The following DPYSL3 variants were observed in gnomAD, a reference collection of about 807,000 sequenced individuals.
The protein encoded by DPYSL3 is dihydropyrimidinase-related protein 3.
A neutral mutation model predicts 66.1 loss-of-function variants in DPYSL3; 16 were observed. That is an observed-to-expected ratio of 0.24 (90% CI 0.16 to 0.37). The LOEUF is 0.37. Among genes scored for constraint, DPYSL3 ranks in the 10% least tolerant of loss-of-function variants. The pLI is 1.00. For synonymous variants in DPYSL3, 338 were observed against 345.1 expected (o/e 0.98, Z 0.23); for missense variants, 738 against 916.2 (o/e 0.81, Z 2.51).
intron 1 of DPYSL3, among the ~76,000 whole-genome samples, chr5:147,497,108 G>T (rs1180064077): frequency 6.6e-6 from 1 of 152,096 alleles, no homozygotes; most frequent in African/African-American, 2.4e-5. Flanking sequence ...TAGGGACATG[G>T]ATGAAGCTGG....
At chr5:147,465,373 C>T (rs1752995605) in intron 1 of DPYSL3, among the ~76,000 whole-genome samples, 1 of 152,224 alleles carries the variant, frequency 6.6e-6, no homozygotes. Flanking sequence ...AATCTTGGCT[C>T]ATTGCAAATT....
chr5:147,509,601 C>T lies in DPYSL3; in HGVS notation c.258G>A (p.Pro86=), dbSNP rs534509592. 9.1e-6 allele frequency: 14 copies of T among 1,535,488 alleles called. No homozygotes were observed. The African/African-American group carries it at 1.4e-4, about 15-fold the overall frequency. ...GSRPGIEGDT[P]RRGQGREESR... is the part of the protein sequence containing the mutation. ...TCTCTTCCCGGCCTTGGCCCCTGCG[C>T]GGGGTGTCCCCCTCGATCCCGGGCC... is the stretch of plus-strand genomic sequence containing the variant. Residue 86 remains proline (P), a synonymous_variant, in exon 1 of 14, where the codon CCG becomes CCA. Transcript: ENST00000343218. This position sits in a 1 kb window ranked among gnomAD's most constrained non-coding sequence, Gnocchi z 5.3.
chr5:147,485,959 T>C (rs1157134372), intron 1 of DPYSL3, among the ~76,000 whole-genome samples: 2 of 152,116 alleles, frequency 1.3e-5, no homozygotes, highest in African/African-American at 4.8e-5. Context: ...CCAATGTCTA[T>C]CAGCTGATGA....
intron 1 of DPYSL3, chr5:147,453,523 G>A: frequency 6.6e-7 from 1 of 1,523,192 alleles, no homozygotes; most frequent in Non-Finnish European, 8.8e-7. Context: ...AGCGAGGAGG[G>A]AGGGAGCAGC....
chr5:147,411,455 A>G (rs1176489589), intron 6 of DPYSL3, among the ~76,000 whole-genome samples: 2 of 152,208 alleles, frequency 1.3e-5, no homozygotes, highest in African/African-American at 4.8e-5. Context: ...ACTGAGGTAT[A>G]TCACCTTAGG....
At chr5:147,459,045 A>T (rs1752894712) in intron 1 of DPYSL3, among the ~76,000 whole-genome samples, 2 of 145,018 alleles carry the variant, frequency 1.4e-5, no homozygotes, top group Non-Finnish European at 3.0e-5. Context: ...TTATCTTTAT[A>T]GCCCCCAGCT....
intron 12 of DPYSL3, among the ~76,000 whole-genome samples, chr5:147,396,142 C>T (rs912086326): frequency 6.6e-6 from 1 of 152,074 alleles, no homozygotes; most frequent in Non-Finnish European, 1.5e-5. Flanking sequence ...AAGGGTAGGT[C>T]ATGACACGAG....
intron 1 of DPYSL3, among the ~76,000 whole-genome samples, chr5:147,443,593 G>GT (rs541962514): frequency 0.068 from 9,690 of 142,654 alleles, 414 homozygotes; most frequent in Admixed American, 0.11. Context: ...CATGTATCCC[G>GT]TTTTTTTTTT....
intron 1 of DPYSL3, among the ~76,000 whole-genome samples, chr5:147,502,571 C>CTTTTTTTTTTTTTT (rs71001435): frequency 1.1e-5 from 1 of 95,196 alleles, no homozygotes; most frequent in Non-Finnish European, 1.9e-5. Flanking sequence ...CTTAATAATG[C>CTTTTTTTTTTTTTT]TTTTTTTTTT....
At chr5:147,459,491 G>C (rs576961060) in intron 1 of DPYSL3, among the ~76,000 whole-genome samples, 48 of 152,040 alleles carry the variant, frequency 3.2e-4, no homozygotes, top group African/African-American at 1.1e-3. Context: ...TGTAACTCCA[G>C]TGTTACAGAA....
chr5:147,442,561 G>A (rs1752553512), intron 1 of DPYSL3, among the ~76,000 whole-genome samples: 1 of 152,048 alleles, frequency 6.6e-6, no homozygotes, highest in African/African-American at 2.4e-5. Flanking sequence ...TCCTGAGGCA[G>A]TTTTTAGTTT....
At chr5:147,428,743 T>TGTTCTC (rs377102487) in intron 1 of DPYSL3, among the ~76,000 whole-genome samples, 2 of 151,334 alleles carry the variant, frequency 1.3e-5, no homozygotes, top group East Asian at 2.0e-4. Flanking sequence ...AAACACTACA[T>TGTTCTC]ACAATGAGAA....
In DPYSL3 at chr5:147,469,098, C is replaced by T. The variant is rs78841744; in HGVS notation, c.381+40380G>A. Among the ~76,000 whole-genome samples, 893 of 152,328 alleles carry T rather than the reference C, an allele frequency of 5.9e-3. 32 individuals carry two copies. The East Asian group carries it at 0.11, about 19-fold the overall frequency. On this transcript the variant is annotated intron_variant, in intron 1 of 13. Transcript: ENST00000343218. ...TCCTCTGCCAAAATTCTTATGACCA[C>T]TGGGGCACCCTCAAGCACATTGTAG...
chr5:147,450,752 A>T (rs1375404690), intron 1 of DPYSL3, among the ~76,000 whole-genome samples: 2 of 152,190 alleles, frequency 1.3e-5, no homozygotes, highest in Non-Finnish European at 2.9e-5. Flanking sequence ...GACCCAAAAC[A>T]GTGGTAGAAA....
intron 1 of DPYSL3, among the ~76,000 whole-genome samples, chr5:147,455,916 G>A (rs1752846452): frequency 6.6e-6 from 1 of 151,658 alleles, no homozygotes; most frequent in African/African-American, 2.4e-5. Context: ...TTGATTGTGT[G>A]TGTGTGTGTG....
intron 1 of DPYSL3, among the ~76,000 whole-genome samples, chr5:147,430,380 G>A (rs1752288050): frequency 6.6e-6 from 1 of 151,844 alleles, no homozygotes; most frequent in Non-Finnish European, 1.5e-5. Context: ...CATCATGGCA[G>A]GCGTCTGTAA....
intron 1 of DPYSL3, among the ~76,000 whole-genome samples, chr5:147,502,504 T>C (rs1320211591): frequency 6.6e-6 from 1 of 152,058 alleles, no homozygotes; most frequent in Non-Finnish European, 1.5e-5. Context: ...CTGATCTCTT[T>C]GGTACATCTT....
At chr5:147,394,745 C>A (rs1417397188) in intron 13 of DPYSL3, among the ~76,000 whole-genome samples, 1 of 152,062 alleles carries the variant, frequency 6.6e-6, no homozygotes, top group African/African-American at 2.4e-5. Flanking sequence ...TGACCTCTGG[C>A]AAAGTTACCT....
At chr5:147,477,397 A>C (rs1258092706) in intron 1 of DPYSL3, among the ~76,000 whole-genome samples, 1 of 152,164 alleles carries the variant, frequency 6.6e-6, no homozygotes, top group African/African-American at 2.4e-5. Flanking sequence ...AAGATGATCC[A>C]CAATAAAGTT....
Sources: allele counts gnomAD v4.1 joint callset (sites outside exome capture counted in the v4.1 genomes callset), GRCh38; gene constraint gnomAD v4.1.1; non-coding constraint Gnocchi (gnomAD v3.1); transcripts MANE v1.5; gene names NCBI Gene and HGNC (gene_info 2026-07-23, HGNC 2026-07-21).